The following PCDHGA4 variants were observed in gnomAD, a reference collection of about 807,000 sequenced individuals.
PCDHGA4 encodes the protein protocadherin gamma-A4.
Under a neutral mutation model 54.6 loss-of-function variants are expected in PCDHGA4, and 38 were observed. The ratio of observed to expected loss-of-function variants is 0.70; its 90% CI spans 0.54 to 0.91. The LOEUF is 0.91. Among genes scored for constraint, PCDHGA4 ranks in the 40% least tolerant of loss-of-function variants. The pLI, the probability that PCDHGA4 is intolerant of heterozygous loss-of-function variation, is 0.00. For missense variants in PCDHGA4, 1,298 were observed against 1,220.9 expected (o/e 1.06, Z -0.94); for synonymous variants, 511 against 512.9 (o/e 1.00, Z 0.05).
At chr5:141,443,792 A>G (rs540226154) in intron 1 of PCDHGA4, among the ~76,000 whole-genome samples, 67 of 152,366 alleles carry the variant, frequency 4.4e-4, no homozygotes, top group African/African-American at 1.4e-3. Flanking sequence ...AAAAAAAATG[A>G]AAAGGAAACA....
intron 1 of PCDHGA4, chr5:141,383,770 A>G (rs776707003): frequency 6.2e-7 from 1 of 1,613,890 alleles, no homozygotes; most frequent in East Asian, 2.2e-5. Context: ...ACTTCCAAAG[A>G]TGTTTCATCT....
In PCDHGA4 at chr5:141,491,633, C is replaced by T; in HGVS notation, c.2515-3174C>T. Reference sequence around the variant, plus strand: ...CTAAGACCCCTCAGCGTTCAGCAGCCCACAGCTCTGGCGCTGGAGCCTGAC... The same window carrying T: ...CTAAGACCCCTCAGCGTTCAGCAGCTCACAGCTCTGGCGCTGGAGCCTGAC... On this transcript the variant is annotated intron_variant, in intron 1 of 3. Transcript: ENST00000571252. This position sits in a 1 kb window ranked among gnomAD's most constrained non-coding sequence, Gnocchi z 6.9. 2 of 1,613,916 alleles carry T rather than the reference C, an allele frequency of 1.2e-6. No homozygotes were observed.
At chr5:141,412,876 A>T (rs1206092699) in intron 1 of PCDHGA4, 2 of 281,096 alleles carry the variant, frequency 7.1e-6, no homozygotes, top group Admixed American at 4.9e-5. Flanking sequence ...AAATATAATA[A>T]TCCAACAGAA....
At chr5:141,496,402 G>T (rs551923899) in intron 2 of PCDHGA4, among the ~76,000 whole-genome samples, 183 of 152,248 alleles carry the variant, frequency 1.2e-3, no homozygotes, top group African/African-American at 4.0e-3. Flanking sequence ...CCTCCTCAAT[G>T]GTTGAGTACT....
At chr5:141,495,974 CTCTT>C (rs1562171251) in intron 2 of PCDHGA4, among the ~76,000 whole-genome samples, 2 of 152,032 alleles carry the variant, frequency 1.3e-5, no homozygotes, top group Non-Finnish European at 1.5e-5. Context: ...TTCTCTGTTA[CTCTT>C]TCTTTATCTC....
At chr5:141,393,183 A>T in intron 1 of PCDHGA4, 1 of 1,613,370 alleles carries the variant, frequency 6.2e-7, no homozygotes, top group Non-Finnish European at 8.5e-7. Context: ...AATAGAAATA[A>T]TTGATATTAA....
intron 1 of PCDHGA4, chr5:141,385,038 G>T (rs377185831): frequency 1.2e-6 from 2 of 1,614,020 alleles, no homozygotes; most frequent in Admixed American, 1.7e-5. Context: ...TACTGCTGGC[G>T]CTCAGGCTGC....
chr5:141,482,514 G>A (rs2099563611), intron 1 of PCDHGA4, among the ~76,000 whole-genome samples: 1 of 130,122 alleles, frequency 7.7e-6, no homozygotes. Flanking sequence ...CCAGAGTACA[G>A]TATGAGACAG....
chr5:141,383,137 C>T, intron 1 of PCDHGA4: 1 of 1,614,112 alleles, frequency 6.2e-7, no homozygotes, highest in Non-Finnish European at 8.5e-7. Context: ...CCTGAACCAG[C>T]GCAGCGGCAG....
intron 1 of PCDHGA4, chr5:141,388,609 T>G: frequency 6.2e-7 from 1 of 1,613,926 alleles, no homozygotes; most frequent in Non-Finnish European, 8.5e-7. Context: ...GCTCCAGTGT[T>G]CAGTCAAGAC....
chr5:141,415,533 G>A (rs749139053), intron 1 of PCDHGA4: 11 of 1,614,198 alleles, frequency 6.8e-6, no homozygotes, highest in Non-Finnish European at 6.8e-6. Flanking sequence ...TCATCAGCCA[G>A]GAGAGCTGTG....
chr5:141,392,869 T>G, intron 1 of PCDHGA4: 4 of 1,613,228 alleles, frequency 2.5e-6, no homozygotes, highest in Non-Finnish European at 3.4e-6. Flanking sequence ...CTGTGCGCGC[T>G]GCTGGGAACG....
At chr5:141,483,743 C>G (rs1360515518) in intron 1 of PCDHGA4, among the ~76,000 whole-genome samples, 2 of 152,022 alleles carry the variant, frequency 1.3e-5, no homozygotes, top group Non-Finnish European at 2.9e-5. Context: ...AAAGGATATT[C>G]CTGAGGATCG....
intron 1 of PCDHGA4, chr5:141,405,547 G>A (rs2094685057): frequency 1.6e-6 from 1 of 629,986 alleles, no homozygotes; most frequent in Non-Finnish European, 2.7e-6. Context: ...AGCCTCCCAA[G>A]TAGAGTAGCT....
Position 141,374,498 on chromosome 5 carries a change from G to GA in PCDHGA4, c.2514+16879dup, listed in dbSNP as rs1265465509. Reference sequence around the variant, plus strand: ...ACCCCGATTCTTAAAGGAAGAATTGGAAGTGAAAATTCTCGAAAACGCAGC... The same window carrying GA: ...ACCCCGATTCTTAAAGGAAGAATTGGAAAGTGAAAATTCTCGAAAACGCAGC... On this transcript the variant is annotated intron_variant, in intron 1 of 3. Transcript: ENST00000571252. 3 of 1,611,504 alleles carry GA rather than the reference G, an allele frequency of 1.9e-6. No homozygotes were observed. The South Asian group carries it at 3.3e-5, about 18-fold the overall frequency.
rs1309124846 is a variant in PCDHGA4, at chr5:141,491,295, T to C, written c.2515-3512T>C. On this transcript the variant is annotated intron_variant, in intron 1 of 3. Coordinates refer to ENST00000571252, the MANE Select transcript of PCDHGA4 (RefSeq NM_018917.4). This position sits in a 1 kb window ranked among gnomAD's most constrained non-coding sequence, Gnocchi z 6.9. ...CCAGTGACTTCCTCATACACCCTCC[T>C]GAGCGTTCAGACCTTACCCTTTACC... The C allele has an allele frequency of 6.2e-7, 1 of 1,614,176 alleles. No homozygotes were observed. Among genetic ancestry groups the C allele is most frequent in the Non-Finnish European group, 8.5e-7 (1 of 1,179,994 alleles).
intron 1 of PCDHGA4, chr5:141,365,630 A>G (rs1486638134): frequency 6.2e-7 from 1 of 1,613,404 alleles, no homozygotes; most frequent in East Asian, 2.2e-5. Context: ...GCCCCTCTCT[A>G]CAGAAAGCCA....
chr5:141,495,415 C>T (rs1385371906), intron 2 of PCDHGA4, among the ~76,000 whole-genome samples: 1 of 152,194 alleles, frequency 6.6e-6, no homozygotes, highest in Admixed American at 6.5e-5. Context: ...TTCTCCGGCC[C>T]CTCCTCCCAC....
chr5:141,366,052 C>A (rs1237553025), intron 1 of PCDHGA4: 2 of 1,614,248 alleles, frequency 1.2e-6, no homozygotes, highest in Admixed American at 1.7e-5. Context: ...GTTCCACGGG[C>A]GTGGAGCTGG....
Sources: gnomAD v4.1 joint callset for allele counts (sites outside exome capture counted in the v4.1 genomes callset) on GRCh38, gnomAD v4.1.1 for gene constraint, Gnocchi (gnomAD v3.1) non-coding constraint, MANE v1.5 for transcripts, NCBI Gene and HGNC (gene_info 2026-07-23, HGNC 2026-07-21) for gene names.